Variants in NFRKB observed in about 807,000 individuals in gnomAD.
The protein encoded by NFRKB is nuclear factor related to kappa-B-binding protein.
Under a neutral mutation model 135.7 loss-of-function variants are expected in NFRKB, and 62 were observed. The ratio of observed to expected loss-of-function variants is 0.46; its 90% CI spans 0.37 to 0.56. The LOEUF (loss-of-function observed/expected upper bound fraction) is 0.56. Ranked by LOEUF, NFRKB falls within the 20% of genes least tolerant of loss-of-function variation. The pLI is 0.00. For synonymous variants in NFRKB, 678 were observed against 635.6 expected (o/e 1.07, Z -1.00); for missense variants, 1,545 against 1,662.0 (o/e 0.93, Z 1.22).
chr11:129,869,605 CT>C lies in NFRKB; in HGVS notation c.3419del (p.Lys1140ArgfsTer3). The C allele has an allele frequency of 6.2e-7, 1 of 1,614,184 alleles. No individual in the cohort carries two copies. Among genetic ancestry groups the C allele is most frequent in the East Asian group, 2.2e-5 (1 of 44,888 alleles). On this transcript the variant is annotated frameshift_variant, in exon 24 of 27. Coordinates refer to ENST00000682444, the MANE Select transcript of NFRKB (RefSeq NM_001143835.2). LOFTEE classifies it high-confidence loss of function. ...CAGCCCCAGAAGCCACAGCTACAGTCTTGGACACAGCAGCATTCATACTGGG... is the reference window on the plus strand; with the variant it reads ...CAGCCCCAGAAGCCACAGCTACAGTCTGGACACAGCAGCATTCATACTGGG... Reference protein sequence around the residue: ...SLPSMNAAVSKTVAVASGAAS... With the variant: ...SLPSMNAAVSXTVAVASGAAS...
rs749890657 is a variant in NFRKB at position 129,876,777 on chromosome 11, C to T, written c.1691G>A (p.Arg564Gln). Residue 564 changes from arginine to glutamine, a missense_variant, in exon 17 of 27, where the codon CGG (arginine) becomes CAG (glutamine). By Grantham distance (43) the Arg-to-Gln change is conservative. Coordinates refer to ENST00000682444, the MANE Select transcript of NFRKB (RefSeq NM_001143835.2). ...FDKETSLNKAREHSLLRSDRP... is the reference protein window; with the variant it reads ...FDKETSLNKAQEHSLLRSDRP... ...GTCGGAGCGCAGCAGGGAGTGCTCCCGAGCCTTGTTGAGCGAGGTCTCCTT... is the reference window on the plus strand; with the variant it reads ...GTCGGAGCGCAGCAGGGAGTGCTCCTGAGCCTTGTTGAGCGAGGTCTCCTT... 6.2e-7 allele frequency: 1 copy of T among 1,614,118 alleles called. No homozygotes were observed. The highest frequency in any genetic ancestry group is 1.3e-5 in the African/African-American group (1 of 75,030).
chr11:129,872,935 G>A lies in NFRKB; in HGVS notation c.2712C>T (p.Ala904=). The change falls in exon 23 of 27, where the codon GCC becomes GCT. Residue 904 remains alanine (A), a synonymous_variant. Transcript: ENST00000682444. ...CATTTTGAATGACGGCAGCCGTGGAGGCACTGGGAGCAGAGGTCCCAGGAG... is the reference window on the plus strand; with the variant it reads ...CATTTTGAATGACGGCAGCCGTGGAAGCACTGGGAGCAGAGGTCCCAGGAG... ...TSSPGTSAPS[A]STAAVIQNVT... is the part of the protein sequence containing the mutation. 1 of 1,614,022 alleles carries A rather than the reference G, an allele frequency of 6.2e-7. No individual in the cohort carries two copies. Among genetic ancestry groups the A allele is most frequent in the Non-Finnish European group, 8.5e-7 (1 of 1,179,874 alleles).
chr11:129,867,947 G>A (rs930254803), intron 24 of NFRKB, among the ~76,000 whole-genome samples: 3 of 152,088 alleles, frequency 2.0e-5, no homozygotes, highest in Non-Finnish European at 2.9e-5. Context: ...TTGAAAACTA[G>A]GAAGTGAGAT....
Position 129,864,334 on chromosome 11 carries a change from T to C in NFRKB, c.*391A>G, listed in dbSNP as rs773675412. ...AAACTCCTATCCAGACCACTAGTCA[T>C]GGAGAAGACCAGAAGCCAAAAAATA... On this transcript the variant is annotated 3_prime_UTR_variant, in exon 27 of 27. Coordinates refer to ENST00000682444, the MANE Select transcript of NFRKB (RefSeq NM_001143835.2). The C allele has an allele frequency of 5.6e-6, 1 of 179,312 alleles. No individual in the cohort carries two copies. Among genetic ancestry groups the C allele is most frequent in the Non-Finnish European group, 1.2e-5 (1 of 84,686 alleles). The allele number at this position is 179,312 out of a possible 1,614,324, so 11.1% of individuals were successfully genotyped here.
intron 2 of NFRKB, chr11:129,894,023 C>A (rs934381387): frequency 6.6e-6 from 1 of 152,192 alleles, no homozygotes. Context: ...CCATTTGATC[C>A]GTATAATCAT....
intron 11 of NFRKB, 72 bp from the exon 12 acceptor site, chr11:129,881,925 C>T: frequency 6.5e-7 from 1 of 1,539,650 alleles, no homozygotes; most frequent in African/African-American, 1.4e-5. Flanking sequence ...AGTGCCACCA[C>T]AACCTGCAGT....
chr11:129,884,704 G>GC, intron 7 of NFRKB, 41 bp downstream of exon 7: 1 of 1,608,616 alleles, frequency 6.2e-7, no homozygotes, highest in Non-Finnish European at 8.5e-7. Context: ...GGTCTCCACC[G>GC]CAATGTCCCA....
chr11:129,893,129 A>G (rs1949631730), intron 2 of NFRKB: 1 of 1,310,338 alleles, frequency 7.6e-7, no homozygotes. Context: ...ATATGCCTTC[A>G]TTTTACAGAT....
chr11:129,885,097 T>C (rs887591890), intron 6 of NFRKB, among the ~76,000 whole-genome samples: 1 of 152,098 alleles, frequency 6.6e-6, no homozygotes, highest in Non-Finnish European at 1.5e-5. Flanking sequence ...ACTACTCTCC[T>C]GTAAGGGGAA....
chr11:129,882,517 C>T lies in NFRKB; in HGVS notation c.1016G>A (p.Ser339Asn). 6.2e-7 allele frequency: 1 copy of T among 1,614,098 alleles called. No homozygotes were observed. Among genetic ancestry groups the T allele is most frequent in the Non-Finnish European group, 8.5e-7 (1 of 1,179,962 alleles). ...EAEDLAEPLSSTEGVAPLSQA... is the reference protein window; with the variant it reads ...EAEDLAEPLSNTEGVAPLSQA... ...TGAGAGAGGTGCGACCCCTTCAGTA[C>T]TGCTTAGCGGCTCGGCCAGGTCCTC... is the stretch of plus-strand genomic sequence containing the variant. Residue 339 changes from serine to asparagine, a missense_variant, in exon 10 of 27, where the codon AGT (serine) becomes AAT (asparagine). This residue lies in a region of NFRKB where 678 missense variants were observed against 646.7 expected (regional missense o/e 1.05). Transcript: ENST00000682444.
chr11:129,889,565 T>C (rs76528753), intron 3 of NFRKB, among the ~76,000 whole-genome samples: 4,281 of 151,602 alleles, frequency 0.028, 192 homozygotes, highest in African/African-American at 0.099. Context: ...ACTGGATACC[T>C]TCCACGAGCA....
Position 129,892,695 on chromosome 11 carries a change from A to G in NFRKB, c.135+20T>C, listed in dbSNP as rs1298066741. The G allele has an allele frequency of 6.2e-7, 1 of 1,611,908 alleles. No homozygotes were observed. Among genetic ancestry groups the G allele is most frequent in the African/African-American group, 1.3e-5 (1 of 74,892 alleles). ...GGAAGCTGACAGAGAGGAAAAGGTCACAACCGTGTTACTACTCACATCCTC... is the reference window on the plus strand; with the variant it reads ...GGAAGCTGACAGAGAGGAAAAGGTCGCAACCGTGTTACTACTCACATCCTC... On this transcript the variant is annotated intron_variant, in intron 3 of 26. Coordinates refer to ENST00000682444, the MANE Select transcript of NFRKB (RefSeq NM_001143835.2).
rs533854967 is a variant in NFRKB at position 129,881,986 on chromosome 11, T to C, written c.1191+100A>G. On this transcript the variant is annotated intron_variant, in intron 11 of 26. Coordinates refer to ENST00000682444, the MANE Select transcript of NFRKB (RefSeq NM_001143835.2). ...CACAAAGCAAGTTAACTACAGAGCG[T>C]TGAGAGGAACTCAGAGTTCCACTTC... 86 of 1,460,904 alleles carry C rather than the reference T, an allele frequency of 5.9e-5. 1 individual carries two copies. The highest frequency in any genetic ancestry group is 1.9e-4 in the South Asian group (14 of 73,270). 90.5% of individuals were successfully genotyped at this position (1,460,904 alleles called of 1,614,324 possible).
At chr11:129,893,238 C>A in intron 2 of NFRKB, 1 of 566,812 alleles carries the variant, frequency 1.8e-6, no homozygotes, top group Non-Finnish European at 2.9e-6. Context: ...ATTTCTGTAA[C>A]AACTGTTTTT....
At chr11:129,891,655 C>T (rs559755808) in intron 3 of NFRKB, among the ~76,000 whole-genome samples, 2 of 152,186 alleles carry the variant, frequency 1.3e-5, no homozygotes, top group Admixed American at 6.5e-5. Flanking sequence ...CATGGTACTC[C>T]ACTGCCAATC....
At position 129,876,904 on chromosome 11, in the gene NFRKB, A is replaced by G; in HGVS notation, c.1573-9T>C. The G allele has an allele frequency of 1.2e-6, 2 of 1,612,298 alleles. No homozygotes were observed. ...CTATACCTGTAACGCTCCTACCAAG[A>G]GACAAGGGACAAGAGTTCTAGGTCA... On this transcript the variant is annotated splice_polypyrimidine_tract_variant and intron_variant, in intron 16 of 26. Transcript: ENST00000682444.
Position 129,878,314 on chromosome 11 carries a change from A to T in NFRKB, c.1506T>A (p.Pro502=), listed in dbSNP as rs1225267828. The part of the protein sequence containing the change: ...EDSSDATTPV[P]RVRTDYVVRP... The stretch of plus-strand genomic sequence containing the variant: ...CACTACAGTATTGTACTCACACCCG[A>T]GGGACAGGTGTTGTGGCATCTGAGC... Residue 502 remains proline, a synonymous_variant, in exon 15 of 27, where the codon CCT becomes CCA. Transcript: ENST00000682444. 13 of 1,613,980 alleles carry T rather than the reference A, an allele frequency of 8.1e-6. No homozygotes were observed. Among genetic ancestry groups the T allele is most frequent in the African/African-American group, 1.3e-5 (1 of 74,908 alleles).
chr11:129,879,142 C>A (rs937365270), intron 13 of NFRKB, among the ~76,000 whole-genome samples: 2 of 152,158 alleles, frequency 1.3e-5, no homozygotes, highest in Non-Finnish European at 2.9e-5. Flanking sequence ...GTGTCTCCTG[C>A]CCAGCATAGA....
rs1479994874 is a variant in NFRKB at position 129,892,763 on chromosome 11, G to A, written c.87C>T (p.Cys29=). ...DGHGTRIMED[C]LLGGTRVSLP... The stretch of plus-strand genomic sequence containing the variant: ...GACTAACTCTGGTGCCTCCCAGGAG[G>A]CAATCCTCCATGATGCGCGTGCCAT... Residue 29 remains cysteine, a synonymous_variant, in exon 3 of 27, where the codon TGC becomes TGT. Coordinates refer to ENST00000682444, the MANE Select transcript of NFRKB (RefSeq NM_001143835.2). 8.7e-6 allele frequency: 14 copies of A among 1,614,088 alleles called. No homozygotes were observed. The highest frequency in any genetic ancestry group is 1.1e-5 in the Non-Finnish European group (13 of 1,180,042).
Sources: gnomAD v4.1 joint callset for allele counts (sites outside exome capture counted in the v4.1 genomes callset) on GRCh38, gnomAD v4.1.1 for gene constraint, gnomAD v4.1.1 regional missense constraint, MANE v1.5 for transcripts, NCBI Gene and HGNC (gene_info 2026-07-23, HGNC 2026-07-21) for gene names.